The following CADM2 variants were observed in gnomAD, a reference collection of about 807,000 sequenced individuals.
CADM2 encodes cell adhesion molecule 2.
In CADM2, 12 loss-of-function variants were observed where a neutral mutation model predicts 49.8. The ratio of observed to expected loss-of-function variants is 0.24; its 90% confidence interval spans 0.15 to 0.39. The LOEUF is 0.39. Among genes scored for constraint, CADM2 ranks in the 10% least tolerant of loss-of-function variants. The probability of loss-of-function intolerance (pLI) is 1.00; values close to 1 mark genes in which losing one functional copy is unlikely to be tolerated. For missense variants in CADM2, 378 were observed against 492.3 expected, an observed-to-expected ratio of 0.77 and a Z score of 2.20; for synonymous variants, 214 against 175.4, an observed-to-expected ratio of 1.22 and a Z score of -1.74.
chr3:85,915,075 G>T (rs542176454), intron 6 of CADM2, among the ~76,000 whole-genome samples: 71 of 152,082 alleles, frequency 4.7e-4, no homozygotes, highest in African/African-American at 1.6e-3. Context: ...AAAATTGTTT[G>T]TTGAGAATAT....
intron 1 of CADM2, among the ~76,000 whole-genome samples, chr3:85,027,109 C>CTTTTCTT (rs1317386284): frequency 1.8e-5 from 1 of 55,688 alleles, no homozygotes; most frequent in African/African-American, 9.7e-5. Context: ...TTTCTTTTTC[C>CTTTTCTT]TTTTTTTTTT....
intron 1 of CADM2, among the ~76,000 whole-genome samples, chr3:85,530,544 T>C (rs1456901905): frequency 6.6e-6 from 1 of 151,968 alleles, no homozygotes; most frequent in Non-Finnish European, 1.5e-5. Context: ...TTAGCCAGGA[T>C]GGTCTCAATC....
intron 1 of CADM2, among the ~76,000 whole-genome samples, chr3:85,144,314 TAAG>T (rs1559686633): frequency 6.6e-6 from 1 of 151,350 alleles, no homozygotes; most frequent in African/African-American, 2.4e-5. Context: ...ATAAACATCA[TAAG>T]AACAAGATTT....
chr3:85,529,628 G>A (rs757324426), intron 1 of CADM2, among the ~76,000 whole-genome samples: 1 of 151,924 alleles, frequency 6.6e-6, no homozygotes, highest in Non-Finnish European at 1.5e-5. Context: ...TTAAAACATG[G>A]TCTACCTTGT....
chr3:85,765,199 T>G (rs185635895), intron 2 of CADM2, among the ~76,000 whole-genome samples: 65 of 152,238 alleles, frequency 4.3e-4, no homozygotes, highest in Admixed American at 2.4e-3. Flanking sequence ...GCTATTATTC[T>G]GATGTCCTCT....
intron 8 of CADM2, among the ~76,000 whole-genome samples, chr3:86,063,700 C>T (rs1191549474): frequency 6.6e-6 from 1 of 152,180 alleles, no homozygotes; most frequent in Non-Finnish European, 1.5e-5. Flanking sequence ...ACAGCAGTTA[C>T]ATTAAAAATA....
chr3:86,006,630 T>C (rs1559796405), intron 8 of CADM2, among the ~76,000 whole-genome samples: 1 of 152,208 alleles, frequency 6.6e-6, no homozygotes, highest in Non-Finnish European at 1.5e-5. Flanking sequence ...GAGCTTCAGA[T>C]ACCCTTGCCT....
At chr3:85,091,971 T>C (rs1369840075) in intron 1 of CADM2, among the ~76,000 whole-genome samples, 3 of 152,166 alleles carry the variant, frequency 2.0e-5, no homozygotes, top group African/African-American at 7.2e-5. Context: ...TATATGTAAC[T>C]AGATATTCAA....
chr3:85,530,468 C>G (rs1333707957), intron 1 of CADM2, among the ~76,000 whole-genome samples: 2 of 151,286 alleles, frequency 1.3e-5, no homozygotes, highest in African/African-American at 2.4e-5. Flanking sequence ...GTCGCTGGGA[C>G]TACAGGCGCC....
intron 1 of CADM2, among the ~76,000 whole-genome samples, chr3:85,701,681 T>G (rs951198287): frequency 1.4e-4 from 21 of 152,150 alleles, no homozygotes; most frequent in Non-Finnish European, 1.5e-5. Flanking sequence ...ACCAACTTTT[T>G]CAGTCATTTT....
intron 6 of CADM2, among the ~76,000 whole-genome samples, chr3:85,925,156 C>T (rs79484364): frequency 6.6e-6 from 1 of 151,696 alleles, no homozygotes; most frequent in African/African-American, 2.4e-5. Flanking sequence ...TATAATCTAT[C>T]CTGGCAACTC....
chr3:84,969,537 T>C (rs942416147), intron 1 of CADM2, among the ~76,000 whole-genome samples: 1 of 151,848 alleles, frequency 6.6e-6, no homozygotes, highest in Non-Finnish European at 1.5e-5. Flanking sequence ...TTCCACTGAT[T>C]GATTAGTTTT....
chr3:85,330,289 G>A (rs901228173), intron 1 of CADM2, among the ~76,000 whole-genome samples: 13 of 152,122 alleles, frequency 8.5e-5, no homozygotes, highest in Non-Finnish European at 1.9e-4. Flanking sequence ...AACTGGATGA[G>A]TCGCTTGTTC....
chr3:85,232,834 TTG>T lies in CADM2; in HGVS notation c.61+273170_61+273171del, dbSNP rs2042325054. On this transcript the variant is annotated intron_variant, in intron 1 of 9. Transcript: ENST00000383699. Reference sequence around the variant, plus strand: ...ATAGTCACTTTGTAAGACAGTTTGATTGTGTCTTACAAATCTAAACATAGGTT... The same window carrying T: ...ATAGTCACTTTGTAAGACAGTTTGATTGTCTTACAAATCTAAACATAGGTT... 3.3e-5 allele frequency among the ~76,000 whole-genome samples: 5 copies of T among 152,186 alleles called. No individual in the cohort carries two copies. The South Asian group carries it at 1.0e-3, about 32-fold the overall frequency.
At chr3:84,977,242 G>A (rs2031876362) in intron 1 of CADM2, among the ~76,000 whole-genome samples, 1 of 151,922 alleles carries the variant, frequency 6.6e-6, no homozygotes, top group Non-Finnish European at 1.5e-5. Context: ...TGGACCCAGT[G>A]GGTACTGACA....
At chr3:85,522,284 A>G (rs566247475) in intron 1 of CADM2, among the ~76,000 whole-genome samples, 1 of 152,306 alleles carries the variant, frequency 6.6e-6, no homozygotes, top group South Asian at 2.1e-4. Flanking sequence ...CTTTGAAAAT[A>G]ATCTGAAAAT....
intron 8 of CADM2, among the ~76,000 whole-genome samples, chr3:86,055,985 T>C (rs1300265629): frequency 6.6e-6 from 1 of 152,202 alleles, no homozygotes; most frequent in Admixed American, 6.5e-5. Context: ...ATGTGCCCAA[T>C]GGATAACTTA....
intron 8 of CADM2, among the ~76,000 whole-genome samples, chr3:86,053,096 G>A (rs918510781): frequency 6.6e-6 from 1 of 152,052 alleles, no homozygotes; most frequent in Non-Finnish European, 1.5e-5. Flanking sequence ...CATGTTATAA[G>A]AAATCAATAA....
chr3:85,985,269 A>G (rs1191352834), intron 8 of CADM2, among the ~76,000 whole-genome samples: 1 of 151,948 alleles, frequency 6.6e-6, no homozygotes, highest in African/African-American at 2.4e-5. Context: ...ACATTGTGCA[A>G]GGGGCAGAGC....
Sources: allele counts gnomAD v4.1 joint callset (sites outside exome capture counted in the v4.1 genomes callset), GRCh38; gene constraint gnomAD v4.1.1; transcripts MANE v1.5; gene names NCBI Gene and HGNC (gene_info 2026-07-23, HGNC 2026-07-21).